GRIN2B: variants seen among roughly 807,000 people sequenced by gnomAD.
GRIN2B encodes the protein glutamate ionotropic receptor NMDA type subunit 2B.
GRIN2B carries 5 observed loss-of-function variants against 114.5 expected under a neutral mutation model. The observed-to-expected ratio is 0.04, with a 90% confidence interval of 0.02 to 0.09. The LOEUF (loss-of-function observed/expected upper bound fraction) is 0.09, where lower values mean the gene tolerates loss of function less well. Ranked by LOEUF, GRIN2B falls within the 10% of genes least tolerant of loss-of-function variation. The probability of loss-of-function intolerance (pLI) is 1.00; values close to 1 mark genes in which losing one functional copy is unlikely to be tolerated. For missense variants in GRIN2B, 1,108 were observed against 1,943.5 expected (o/e 0.57, Z 8.08); for synonymous variants, 787 against 745.1 (o/e 1.06, Z -0.92).
chr12:13,606,818 G>C (rs1334003996), intron 10 of GRIN2B, among the ~76,000 whole-genome samples: 1 of 151,938 alleles, frequency 6.6e-6, no homozygotes, highest in Non-Finnish European at 1.5e-5. Context: ...TTAAAAATGG[G>C]TTAATACATG....
intron 3 of GRIN2B, among the ~76,000 whole-genome samples, chr12:13,825,542 G>C (rs749285722): frequency 3.0e-4 from 42 of 138,316 alleles, no homozygotes; most frequent in Non-Finnish European, 3.1e-4. Context: ...GTATGATGGA[G>C]TTTTGCTCTT....
intron 3 of GRIN2B, among the ~76,000 whole-genome samples, chr12:13,798,839 T>C (rs1415241628): frequency 6.6e-6 from 1 of 152,244 alleles, no homozygotes; most frequent in East Asian, 1.9e-4. Context: ...ACGATCTCTG[T>C]TCTGAAGGGT....
chr12:13,664,986 G>GA (rs1949959461), intron 5 of GRIN2B, among the ~76,000 whole-genome samples: 2 of 152,270 alleles, frequency 1.3e-5, no homozygotes, highest in African/African-American at 4.8e-5. Flanking sequence ...TAATTCAGAA[G>GA]ATGACTATTT....
chr12:13,877,486 G>GTAAC (rs1169233307), intron 2 of GRIN2B, among the ~76,000 whole-genome samples: 1 of 152,162 alleles, frequency 6.6e-6, no homozygotes, highest in East Asian at 1.9e-4. Context: ...CATTACCTGT[G>GTAAC]TAACTGAGCA....
chr12:13,916,586 C>G (rs1464270836), intron 2 of GRIN2B, among the ~76,000 whole-genome samples: 2 of 152,016 alleles, frequency 1.3e-5, no homozygotes, highest in Admixed American at 1.3e-4. Flanking sequence ...TGGTGGCTCA[C>G]GCCTATAATT....
At chr12:13,858,630 C>A (rs1204408718) in intron 3 of GRIN2B, among the ~76,000 whole-genome samples, 1 of 152,102 alleles carries the variant, frequency 6.6e-6, no homozygotes, top group Non-Finnish European at 1.5e-5. Flanking sequence ...CTACTTCCCA[C>A]CTAGTACCAC....
At chr12:13,618,678 C>CTAGA (rs1949476584) in intron 5 of GRIN2B, among the ~76,000 whole-genome samples, 1 of 152,136 alleles carries the variant, frequency 6.6e-6, no homozygotes, top group Non-Finnish European at 1.5e-5. Flanking sequence ...AATTTCTCAC[C>CTAGA]TAGATAGTCA....
Position 13,614,016 on chromosome 12 carries a change from C to CAAAAAAAAAAAAAAAAAAA in GRIN2B, c.1654+1079_1654+1097dup, listed in dbSNP as rs77527098. Among the ~76,000 whole-genome samples, 4 of 92,910 alleles carry CAAAAAAAAAAAAAAAAAAA rather than the reference C, an allele frequency of 4.3e-5. 1 individual carries two copies. Among genetic ancestry groups the CAAAAAAAAAAAAAAAAAAA allele is most frequent in the African/African-American group, 7.4e-5 (2 of 26,960 alleles). The allele number at this position is 92,910 out of a possible 152,430, so 61.0% of individuals were successfully genotyped here. A position where few individuals can be genotyped will look rare whatever the true frequency, so the allele number is the denominator to read the frequency against. On this transcript the variant is annotated intron_variant, in intron 8 of 13. Coordinates refer to ENST00000609686, the MANE Select transcript of GRIN2B (RefSeq NM_000834.5). ...TAATGTTCCAACTATCCTTGCACAGCAAAAAAAAAAAAAAAAAAAAAAGCA... is the reference window on the plus strand; with the variant it reads ...TAATGTTCCAACTATCCTTGCACAGCAAAAAAAAAAAAAAAAAAAAAAAAAAAAAAAAAAAAAAAAAGCA...
At position 13,909,702 on chromosome 12, in the gene GRIN2B, GT is replaced by G. The variant is rs1866599476; in HGVS notation, c.-18-43477del. ...ACTCGGGAAGAAAAAGGATAAGAAA[GT>G]GCCTTAAGGTGTGAAGGAATATCTA... is the stretch of plus-strand genomic sequence containing the variant. On this transcript the variant is annotated intron_variant, in intron 2 of 13. Coordinates refer to ENST00000609686, the MANE Select transcript of GRIN2B (RefSeq NM_000834.5). Among the ~76,000 whole-genome samples the G allele has an allele frequency of 2.0e-5, 3 of 152,288 alleles. No individual in the cohort carries two copies. In the South Asian group the frequency reaches 6.2e-4, roughly 32 times the overall value.
At chr12:13,762,423 G>C (rs1863695533) in intron 3 of GRIN2B, among the ~76,000 whole-genome samples, 1 of 152,188 alleles carries the variant, frequency 6.6e-6, no homozygotes, top group African/African-American at 2.4e-5. Context: ...TTACTAAAGA[G>C]CAGAGTTAAG....
At chr12:13,785,136 A>G (rs1292041698) in intron 3 of GRIN2B, among the ~76,000 whole-genome samples, 1 of 152,216 alleles carries the variant, frequency 6.6e-6, no homozygotes, top group Non-Finnish European at 1.5e-5. Flanking sequence ...TCATTAATTC[A>G]ATTATAACAT....
Position 13,543,704 on chromosome 12 carries a change from C to G in GRIN2B, c.*19079G>C, listed in dbSNP as rs553842680. ...CTTCCTGCCGGATGGCTATATGACTCATTCATGCTTTCTTCCTTCCAAAAC... is the reference window on the plus strand; with the variant it reads ...CTTCCTGCCGGATGGCTATATGACTGATTCATGCTTTCTTCCTTCCAAAAC... On this transcript the variant is annotated 3_prime_UTR_variant, in exon 14 of 14. Transcript: ENST00000609686. 6.6e-6 allele frequency: 1 copy of G among 151,838 alleles called. No homozygotes were observed. The highest frequency in any genetic ancestry group is 1.9e-4 in the East Asian group (1 of 5,180). The allele number at this position is 151,838 out of a possible 1,614,324, so 9.4% of individuals were successfully genotyped here.
chr12:13,965,557 C>CA (rs1555162707), intron 2 of GRIN2B, among the ~76,000 whole-genome samples: 2 of 150,176 alleles, frequency 1.3e-5, no homozygotes, highest in East Asian at 2.0e-4. Flanking sequence ...AGATTACACA[C>CA]CACACACACA....
rs562938666 is a variant in GRIN2B at position 13,711,394 on chromosome 12, A to C, written c.1011-35535T>G. Among the ~76,000 whole-genome samples the C allele has an allele frequency of 4.4e-4, 67 of 152,282 alleles. No homozygotes were observed. In the East Asian group the frequency reaches 8.7e-3, roughly 20 times the overall value. The stretch of plus-strand genomic sequence containing the variant: ...TTGAGCAATGGGATCTAATCAAACT[A>C]AAGAGCTTCTGCACAGCAAAAGAAA... On this transcript the variant is annotated intron_variant, in intron 4 of 13. Coordinates refer to ENST00000609686, the MANE Select transcript of GRIN2B (RefSeq NM_000834.5).
At chr12:13,685,556 C>T (rs977011594) in intron 4 of GRIN2B, among the ~76,000 whole-genome samples, 2 of 152,106 alleles carry the variant, frequency 1.3e-5, no homozygotes, top group Non-Finnish European at 2.9e-5. Flanking sequence ...ACATTTCCAA[C>T]AGAGAGAAGA....
intron 4 of GRIN2B, among the ~76,000 whole-genome samples, chr12:13,684,278 C>G (rs1424049856): frequency 6.6e-6 from 1 of 152,158 alleles, no homozygotes; most frequent in Non-Finnish European, 1.5e-5. Flanking sequence ...CCTCCCAGAT[C>G]CCTGCTTTGA....
In GRIN2B at chr12:13,562,999, C is replaced by A; in HGVS notation, c.4239G>T (p.Gly1413=). ...GGAAGTCCGGCCTGGCTTTCGACGC[C>A]CCCGCCACCGTGGGCTGCCTGAAGA... ...SYFFRQPTVA[G]ASKARPDFRA... The change falls in exon 14 of 14, where the codon GGG becomes GGT. Residue 1413 remains glycine, a synonymous_variant. Transcript: ENST00000609686. The A allele has an allele frequency of 6.2e-7, 1 of 1,613,534 alleles. No individual in the cohort carries two copies. The highest frequency in any genetic ancestry group is 2.2e-5 in the East Asian group (1 of 44,850).
chr12:13,814,536 C>T (rs1169772909), intron 3 of GRIN2B, among the ~76,000 whole-genome samples: 3 of 152,176 alleles, frequency 2.0e-5, no homozygotes, highest in Non-Finnish European at 2.9e-5. Flanking sequence ...AGAATTGCCT[C>T]CAAGTAACAA....
chr12:13,949,434 C>T (rs1470708980), intron 2 of GRIN2B, among the ~76,000 whole-genome samples: 2 of 152,104 alleles, frequency 1.3e-5, no homozygotes, highest in African/African-American at 4.8e-5. Context: ...TACAGGTTTC[C>T]AGGACCCTTA....
Sources: gnomAD v4.1 joint callset for allele counts (sites outside exome capture counted in the v4.1 genomes callset) on GRCh38, gnomAD v4.1.1 for gene constraint, MANE v1.5 for transcripts, NCBI Gene and HGNC (gene_info 2026-07-23, HGNC 2026-07-21) for gene names.